MCOLN2: variants seen among roughly 807,000 people sequenced by gnomAD.
MCOLN2 encodes the protein mucolipin-2.
MCOLN2 carries 57 observed loss-of-function variants against 67.5 expected under a neutral mutation model. The ratio of observed to expected loss-of-function variants is 0.84; its 90% CI spans 0.68 to 1.05. The LOEUF (loss-of-function observed/expected upper bound fraction) is 1.05, where lower values mean the gene tolerates loss of function less well. Ranked by LOEUF, MCOLN2 falls within the 50% of genes least tolerant of loss-of-function variation. The pLI is 0.00. For missense variants in MCOLN2, 620 were observed against 678.8 expected (o/e 0.91, Z 0.96); for synonymous variants, 246 against 233.3 (o/e 1.05, Z -0.50).
intron 1 of MCOLN2, among the ~76,000 whole-genome samples, chr1:84,987,473 T>TACGTATATAG (rs1650603041): frequency 7.4e-5 from 4 of 54,286 alleles, no homozygotes; most frequent in African/African-American, 3.9e-4. Context: ...TATATATAGA[T>TACGTATATAG]ATATATACAT....
intron 3 of MCOLN2, among the ~76,000 whole-genome samples, chr1:84,957,792 G>T (rs77894253): frequency 1.4e-3 from 220 of 152,178 alleles, no homozygotes; most frequent in African/African-American, 4.3e-3. Context: ...CTAGCTCTTC[G>T]TTCCAGAATT....
At chr1:84,996,046 C>T (rs1651132523) in intron 1 of MCOLN2, among the ~76,000 whole-genome samples, 1 of 152,096 alleles carries the variant, frequency 6.6e-6, no homozygotes, top group Non-Finnish European at 1.5e-5. Flanking sequence ...AGTTTGACTC[C>T]TCTTAAGGTA....
intron 11 of MCOLN2, among the ~76,000 whole-genome samples, chr1:84,933,295 C>T (rs1466685955): frequency 6.6e-6 from 1 of 152,122 alleles, no homozygotes; most frequent in Non-Finnish European, 1.5e-5. Flanking sequence ...GATACAAACA[C>T]CGTGCCTTAC....
chr1:84,942,825 A>G (rs960748621), intron 7 of MCOLN2, among the ~76,000 whole-genome samples: 1 of 152,072 alleles, frequency 6.6e-6, no homozygotes, highest in Non-Finnish European at 1.5e-5. Context: ...AAGAAGAGGA[A>G]GAGAGACTTG....
rs759098469 is a variant in MCOLN2, at chr1:84,938,074, T to G, written c.1119A>C (p.Thr373=). Residue 373 remains threonine (T), a synonymous_variant, in exon 10 of 14, where the codon ACA becomes ACC. Coordinates refer to ENST00000370608, the MANE Select transcript of MCOLN2 (RefSeq NM_153259.4). ...LKMEIKAKNL[T]NYDLCSIFLG... is the part of the protein sequence containing the mutation. ...GAAAAATGCTGCAGAGATCATAGTT[T>G]GTGAGATTCTAAGGAATGAAAAAAA... is the stretch of plus-strand genomic sequence containing the variant. 2 of 1,610,032 alleles carry G rather than the reference T, an allele frequency of 1.2e-6. No individual in the cohort carries two copies. The highest frequency in any genetic ancestry group is 1.7e-6 in the Non-Finnish European group (2 of 1,178,098).
chr1:84,939,016 T>G (rs1647593725), intron 9 of MCOLN2, among the ~76,000 whole-genome samples: 1 of 152,004 alleles, frequency 6.6e-6, no homozygotes, highest in African/African-American at 2.4e-5. Flanking sequence ...GGGAGAGAAT[T>G]AGGCATGTCA....
At chr1:84,944,608 C>T (rs77160854) in intron 7 of MCOLN2, among the ~76,000 whole-genome samples, 1,631 of 152,282 alleles carry the variant, frequency 0.011, 21 homozygotes, top group Admixed American at 0.031. Context: ...AAGGAGTCCC[C>T]CAATTCCTCC....
intron 1 of MCOLN2, among the ~76,000 whole-genome samples, chr1:84,970,487 C>T (rs990283949): frequency 6.7e-5 from 10 of 148,710 alleles, no homozygotes; most frequent in South Asian, 2.1e-4. Context: ...CTGGACAACA[C>T]GGTGAAACCC....
chr1:84,940,041 C>A (rs187807133), intron 8 of MCOLN2, among the ~76,000 whole-genome samples: 72 of 152,236 alleles, frequency 4.7e-4, no homozygotes, highest in African/African-American at 1.7e-3. Flanking sequence ...GCAGGTCTAT[C>A]ACCCAGAGAA....
At position 84,929,667 on chromosome 1, in the gene MCOLN2, T is replaced by C. The variant is rs764027721; in HGVS notation, c.1555A>G (p.Asn519Asp). 1.2e-6 allele frequency: 2 copies of C among 1,613,234 alleles called. No individual in the cohort carries two copies. Among genetic ancestry groups the C allele is most frequent in the South Asian group, 2.2e-5 (2 of 91,010 alleles). Residue 519 changes from asparagine (N) to aspartate (D), a missense_variant, in exon 13 of 14, where the codon AAT (asparagine) becomes GAT (aspartate). Physicochemically the swap from Asn to Asp is conservative, Grantham distance 23. Transcript: ENST00000370608. ...TGCAAATCCGTTTCAGGAAACCCAT[T>C]CTGTTGGAATTTCTTTAGAAAGTAC... ...SYDTIKKFQQNGFPETDLQEF... is the reference protein window; with the variant it reads ...SYDTIKKFQQDGFPETDLQEF...
chr1:84,992,251 G>A (rs1249188382), intron 1 of MCOLN2, among the ~76,000 whole-genome samples: 1 of 152,114 alleles, frequency 6.6e-6, no homozygotes, highest in Admixed American at 6.5e-5. Context: ...TTATTGCCTC[G>A]CAGATGTTTT....
At chr1:84,953,625 G>A (rs1648626749) in intron 4 of MCOLN2, among the ~76,000 whole-genome samples, 1 of 151,466 alleles carries the variant, frequency 6.6e-6, no homozygotes. Flanking sequence ...GTGCTATTTT[G>A]TAACTTTTCT....
Position 84,989,618 on chromosome 1 carries a change from T to A in MCOLN2, c.77+7178A>T, listed in dbSNP as rs954643332. Among the ~76,000 whole-genome samples, 66 of 152,136 alleles carry A rather than the reference T, an allele frequency of 4.3e-4. 1 individual carries two copies. Among genetic ancestry groups the A allele is most frequent in the South Asian group, 4.1e-4 (2 of 4,834 alleles). ...ATAGTAGTATAATATATAGGATTTTTAAAATAATTTAACATGCCTTTTTAA... is the reference window on the plus strand; with the variant it reads ...ATAGTAGTATAATATATAGGATTTTAAAAATAATTTAACATGCCTTTTTAA... On this transcript the variant is annotated intron_variant, in intron 1 of 13. Coordinates refer to ENST00000370608, the MANE Select transcript of MCOLN2 (RefSeq NM_153259.4).
At chr1:84,970,113 G>C (rs1649593644) in intron 1 of MCOLN2, among the ~76,000 whole-genome samples, 1 of 152,208 alleles carries the variant, frequency 6.6e-6, no homozygotes. Context: ...AGTGTTAATT[G>C]CTATCACTGT....
At chr1:84,941,231 T>G (rs1295392050) in intron 7 of MCOLN2, among the ~76,000 whole-genome samples, 1 of 152,220 alleles carries the variant, frequency 6.6e-6, no homozygotes, top group Non-Finnish European at 1.5e-5. Context: ...GCACGGTGGC[T>G]CACGCCTGTA....
chr1:84,945,997 C>T (rs971145704), intron 7 of MCOLN2, among the ~76,000 whole-genome samples: 3 of 152,154 alleles, frequency 2.0e-5, no homozygotes, highest in South Asian at 2.1e-4. Flanking sequence ...GATCCACCCG[C>T]GTAGGCCTCC....
intron 11 of MCOLN2, among the ~76,000 whole-genome samples, chr1:84,935,480 C>T (rs1450495454): frequency 3.9e-5 from 6 of 152,116 alleles, no homozygotes; most frequent in Non-Finnish European, 8.8e-5. Flanking sequence ...GTGTGAATAG[C>T]CAGCATCCAA....
intron 8 of MCOLN2, 56 bp downstream of exon 8, chr1:84,940,823 G>T: frequency 8.1e-7 from 1 of 1,228,986 alleles, no homozygotes; most frequent in Non-Finnish European, 1.2e-6. Flanking sequence ...CCACTGCTTG[G>T]GCAAACTGAG....
chr1:84,981,313 A>C (rs911586263), intron 1 of MCOLN2, among the ~76,000 whole-genome samples: 1 of 152,172 alleles, frequency 6.6e-6, no homozygotes, highest in Non-Finnish European at 1.5e-5. Flanking sequence ...GGTATATGCC[A>C]AAAATAAAGG....
Sources: gnomAD v4.1 joint callset for allele counts (sites outside exome capture counted in the v4.1 genomes callset) on GRCh38, gnomAD v4.1.1 for gene constraint, MANE v1.5 for transcripts, NCBI Gene and HGNC (gene_info 2026-07-23, HGNC 2026-07-21) for gene names.